The following PTPRD variants were observed in gnomAD, a reference collection of about 807,000 sequenced individuals.
PTPRD encodes protein tyrosine phosphatase receptor type D.
Under a neutral mutation model 214.5 loss-of-function variants are expected in PTPRD, and 34 were observed. The observed-to-expected ratio is 0.16, with a 90% CI of 0.12 to 0.21. The LOEUF (loss-of-function observed/expected upper bound fraction) is 0.21, where lower values mean the gene tolerates loss of function less well. Ranked by LOEUF, PTPRD falls within the 10% of genes least tolerant of loss-of-function variation. The pLI, the probability that PTPRD is intolerant of heterozygous loss-of-function variation, is 1.00. For synonymous variants in PTPRD, 1,128 were observed against 845.7 expected (o/e 1.33, Z -5.79); for missense variants, 2,545 against 2,398.7 (o/e 1.06, Z -1.27).
intron 22 of PTPRD, among the ~76,000 whole-genome samples, chr9:8,505,122 G>A (rs1009461954): frequency 2.6e-5 from 4 of 152,062 alleles, no homozygotes; most frequent in African/African-American, 9.7e-5. Context: ...TTTGATATAC[G>A]ATTTCGTTAA....
intron 8 of PTPRD, among the ~76,000 whole-genome samples, chr9:9,427,342 G>A (rs958529465): frequency 2.6e-5 from 4 of 152,156 alleles, no homozygotes; most frequent in Admixed American, 1.3e-4. Context: ...ATGAAATGAA[G>A]CGAGAAGAGA....
intron 2 of PTPRD, among the ~76,000 whole-genome samples, chr9:10,400,327 AT>A: frequency 6.6e-6 from 1 of 151,980 alleles, no homozygotes; most frequent in South Asian, 2.1e-4. Flanking sequence ...TGTGGTTATT[AT>A]ATTATTACTA....
chr9:8,331,675 G>A lies in PTPRD; in HGVS notation c.5441C>T (p.Pro1814Leu). The A allele has an allele frequency of 6.2e-7, 1 of 1,613,792 alleles. No individual in the cohort carries two copies. The highest frequency in any genetic ancestry group is 1.1e-5 in the South Asian group (1 of 91,062). Residue 1814 changes from proline to leucine, a missense_variant, in exon 44 of 46, where the codon CCA becomes CTA. Coordinates refer to ENST00000381196, the MANE Select transcript of PTPRD (RefSeq NM_002839.4). ...GTCAATAAATCCTTCTCCGGACTTT[G>A]GCACTCCTTGCTCTGGCCAGTCAGT... ...QFTDWPEQGVPKSGEGFIDFI... is the reference protein window; with the variant it reads ...QFTDWPEQGVLKSGEGFIDFI...
chr9:10,046,429 G>A (rs1173201514), intron 3 of PTPRD, among the ~76,000 whole-genome samples: 7 of 151,706 alleles, frequency 4.6e-5, no homozygotes, highest in Non-Finnish European at 8.9e-5. Flanking sequence ...AAATATGGAC[G>A]TTTAAAACCA....
intron 4 of PTPRD, among the ~76,000 whole-genome samples, chr9:9,988,861 C>T (rs773314655): frequency 1.3e-5 from 2 of 151,024 alleles, no homozygotes; most frequent in Non-Finnish European, 3.0e-5. Context: ...AATCTACTTC[C>T]ATCAGGAAAA....
At chr9:10,452,942 G>T (rs926270814) in intron 2 of PTPRD, among the ~76,000 whole-genome samples, 2 of 150,978 alleles carry the variant, frequency 1.3e-5, no homozygotes, top group Non-Finnish European at 3.0e-5. Flanking sequence ...TATTTTGGGA[G>T]TTTTATGGTT....
intron 2 of PTPRD, among the ~76,000 whole-genome samples, chr9:10,597,635 G>A (rs766748699): frequency 1.3e-5 from 2 of 151,666 alleles, no homozygotes; most frequent in African/African-American, 2.4e-5. Context: ...TTCAACAGCA[G>A]GTTCTATAAT....
rs138633572 is a variant in PTPRD at position 8,319,072 on chromosome 9, C to T, written c.5670+759G>A. 5.5e-3 allele frequency among the ~76,000 whole-genome samples: 844 copies of T among 152,128 alleles called. 7 individuals are homozygous for T. The highest frequency in any genetic ancestry group is 0.018 in the African/African-American group (764 of 41,492). On this transcript the variant is annotated intron_variant, in intron 45 of 45. Coordinates refer to ENST00000381196, the MANE Select transcript of PTPRD (RefSeq NM_002839.4). Reference sequence around the variant, plus strand: ...ATTTCCCTCTGTAACCCCTAAGACCCATTAAGTTTGTCAAGCTGGCATAAT... The same window carrying T: ...ATTTCCCTCTGTAACCCCTAAGACCTATTAAGTTTGTCAAGCTGGCATAAT...
intron 7 of PTPRD, among the ~76,000 whole-genome samples, chr9:9,658,745 G>A (rs1489938630): frequency 3.3e-5 from 5 of 152,090 alleles, no homozygotes; most frequent in Non-Finnish European, 1.5e-5. Context: ...TAATACGGCC[G>A]GCACTGCTGG....
At chr9:10,375,314 T>G (rs1278203728) in intron 2 of PTPRD, among the ~76,000 whole-genome samples, 2 of 151,992 alleles carry the variant, frequency 1.3e-5, no homozygotes, top group Admixed American at 6.6e-5. Flanking sequence ...CTGGATCTAT[T>G]TTAAAACTAT....
chr9:10,319,412 T>C (rs1270415355), intron 3 of PTPRD, among the ~76,000 whole-genome samples: 17 of 152,088 alleles, frequency 1.1e-4, no homozygotes, highest in Admixed American at 1.1e-3. Flanking sequence ...TGCAAGGCAT[T>C]ATCTACTATA....
intron 2 of PTPRD, among the ~76,000 whole-genome samples, chr9:10,519,905 C>G (rs1373261858): frequency 6.6e-6 from 1 of 152,076 alleles, no homozygotes. Context: ...CAATTTCCCT[C>G]TCCTCAGGCT....
chr9:8,732,620 G>A (rs895447299), intron 12 of PTPRD, among the ~76,000 whole-genome samples: 1 of 152,134 alleles, frequency 6.6e-6, no homozygotes, highest in Non-Finnish European at 1.5e-5. Context: ...GTGCTAATTA[G>A]GAAACTATAT....
intron 8 of PTPRD, among the ~76,000 whole-genome samples, chr9:9,552,537 G>A (rs1017265170): frequency 6.6e-6 from 1 of 151,778 alleles, no homozygotes; most frequent in Non-Finnish European, 1.5e-5. Context: ...ATTTTTAGTG[G>A]GACTTCTTTT....
intron 4 of PTPRD, among the ~76,000 whole-genome samples, chr9:9,979,454 G>A (rs923909966): frequency 6.6e-6 from 1 of 151,618 alleles, no homozygotes; most frequent in South Asian, 2.1e-4. Context: ...GAGAATGAGA[G>A]GGAGACATTT....
chr9:10,303,522 T>G (rs149022950), intron 3 of PTPRD, among the ~76,000 whole-genome samples: 2,310 of 151,714 alleles, frequency 0.015, 59 homozygotes, highest in African/African-American at 0.053. Flanking sequence ...CTAGACAGAC[T>G]AATAAAGAAG....
chr9:8,742,140 T>C (rs565305632), intron 11 of PTPRD, among the ~76,000 whole-genome samples: 30 of 152,278 alleles, frequency 2.0e-4, no homozygotes, highest in African/African-American at 7.2e-4. Flanking sequence ...TAAACTAATA[T>C]GTCAGTCAAG....
At chr9:10,469,707 TC>T (rs977870286) in intron 2 of PTPRD, among the ~76,000 whole-genome samples, 1 of 151,396 alleles carries the variant, frequency 6.6e-6, no homozygotes, top group African/African-American at 2.4e-5. Flanking sequence ...TTGTGTGCAC[TC>T]CCACGTTTAT....
intron 39 of PTPRD, among the ~76,000 whole-genome samples, chr9:8,351,870 T>C (rs879283535): frequency 6.6e-6 from 1 of 151,716 alleles, no homozygotes; most frequent in Non-Finnish European, 1.5e-5. Context: ...GAAGTTCACA[T>C]TTCATCAACA....
Sources: allele counts gnomAD v4.1 joint callset (sites outside exome capture counted in the v4.1 genomes callset), GRCh38; gene constraint gnomAD v4.1.1; transcripts MANE v1.5; gene names NCBI Gene and HGNC (gene_info 2026-07-23, HGNC 2026-07-21).